Variants in MAN2B1 observed in about 807,000 individuals in gnomAD.
MAN2B1 encodes the protein lysosomal alpha-mannosidase.
In MAN2B1, 99 loss-of-function variants were observed where a neutral mutation model predicts 127.5. The observed-to-expected ratio is 0.78, with a 90% CI of 0.66 to 0.92. The LOEUF (loss-of-function observed/expected upper bound fraction) is 0.92, where lower values mean the gene tolerates loss of function less well. MAN2B1 is among the 40% of genes least tolerant of loss of function. The pLI, the probability that MAN2B1 is intolerant of heterozygous loss-of-function variation, is 0.00. For synonymous variants in MAN2B1, 573 were observed against 568.8 expected (o/e 1.01, Z -0.11); for missense variants, 1,304 against 1,384.8 (o/e 0.94, Z 0.93).
chr19:12,652,842 T>A (rs2023872876), intron 14 of MAN2B1, among the ~76,000 whole-genome samples: 2 of 22,004 alleles, frequency 9.1e-5, no homozygotes. Flanking sequence ...GGATTTTTAT[T>A]TTTTTTTTTT....
rs753424578 is a variant in MAN2B1 at position 12,657,416 on chromosome 19, C to A, written c.1419+30G>T. The stretch of plus-strand genomic sequence containing the variant: ...GGCCCCGCCCCTTCCTGTCTCCACC[C>A]CCGTGTCTCCCAAGTCTCGCCCCGC... On this transcript the variant is annotated intron_variant, in intron 11 of 23. Coordinates refer to ENST00000456935, the MANE Select transcript of MAN2B1 (RefSeq NM_000528.4). 75 of 1,533,584 alleles carry A rather than the reference C, an allele frequency of 4.9e-5. 1 individual carries two copies. In the South Asian group the frequency reaches 8.7e-4, roughly 18 times the overall value. The allele number at this position is 1,533,584 out of a possible 1,614,324, so 95.0% of individuals were successfully genotyped here. A position where few individuals can be genotyped will look rare whatever the true frequency, so the allele number is the denominator to read the frequency against.
chr19:12,653,196 G>A (rs971894946), intron 14 of MAN2B1, among the ~76,000 whole-genome samples: 13 of 146,570 alleles, frequency 8.9e-5, no homozygotes, highest in Admixed American at 3.5e-4. Flanking sequence ...AGGCTGGAGT[G>A]CAGAAAGTGG....
intron 18 of MAN2B1, 107 bp from the exon 19 acceptor site, chr19:12,649,535 G>T (rs1173778419): frequency 8.8e-6 from 6 of 685,042 alleles, no homozygotes; most frequent in African/African-American, 4.2e-5. Flanking sequence ...AGGCTGGAGT[G>T]CAGTGGCGCG....
chr19:12,656,627 C>A lies in MAN2B1; in HGVS notation c.1588G>T (p.Val530Phe). 2 of 1,614,024 alleles carry A rather than the reference C, an allele frequency of 1.2e-6. No individual in the cohort carries two copies. Among genetic ancestry groups the A allele is most frequent in the Non-Finnish European group, 1.7e-6 (2 of 1,179,968 alleles). The change falls in exon 13 of 24, where the codon GTC (valine) becomes TTC (phenylalanine). Residue 530 changes from valine to phenylalanine, a missense_variant. Physicochemically the swap from Val to Phe is conservative, Grantham distance 50 (BLOSUM62 -1). Coordinates refer to ENST00000456935, the MANE Select transcript of MAN2B1 (RefSeq NM_000528.4). ...TTCACAACGAAAACGCCTTCGCTGA[C>A]CGGCAGCCGTACCATCCAATTCACC... ...RKVNWMVRLP[V>F]SEGVFVVKDP... is the part of the protein sequence containing the mutation.
At chr19:12,659,297 C>CATTT in intron 7 of MAN2B1, among the ~76,000 whole-genome samples, 1 of 113,946 alleles carries the variant, frequency 8.8e-6, no homozygotes, top group African/African-American at 3.4e-5. Context: ...GCTCAATAAA[C>CATTT]TTTTTTTTTT....
At position 12,665,785 on chromosome 19, in the gene MAN2B1, C is replaced by T. The variant is rs1043541354; in HGVS notation, c.180G>A (p.Pro60=). 67 of 1,613,864 alleles carry T rather than the reference C, an allele frequency of 4.2e-5. No individual in the cohort carries two copies. Among genetic ancestry groups the T allele is most frequent in the Non-Finnish European group, 4.4e-5 (52 of 1,180,016 alleles). ...GGYETCPTVQ[P]NMLNVHLLPH... ...GCAGCAGGTGCACGTTCAGCATGTTCGGCTGCACTGTGGGGCATGTCTGCA... is the reference window on the plus strand; with the variant it reads ...GCAGCAGGTGCACGTTCAGCATGTTTGGCTGCACTGTGGGGCATGTCTGCA... The change falls in exon 2 of 24, where the codon CCG becomes CCA. Residue 60 remains proline, a synonymous_variant. Coordinates refer to ENST00000456935, the MANE Select transcript of MAN2B1 (RefSeq NM_000528.4).
chr19:12,658,945 C>T, intron 7 of MAN2B1: 1 of 288,564 alleles, frequency 3.5e-6, no homozygotes, highest in African/African-American at 2.2e-5. Flanking sequence ...CAAGCTCCAC[C>T]TCTTGGGTTC....
At chr19:12,665,286 A>C in intron 3 of MAN2B1, 66 bp downstream of exon 3, 3 of 1,574,104 alleles carry the variant, frequency 1.9e-6, no homozygotes, top group Non-Finnish European at 2.6e-6. Flanking sequence ...AAATCTCAGA[A>C]ACCAGAGATG....
At chr19:12,649,609 G>C (rs1177273191) in intron 18 of MAN2B1, among the ~76,000 whole-genome samples, 181 bp from the exon 19 acceptor site, 1 of 151,204 alleles carries the variant, frequency 6.6e-6, no homozygotes, top group African/African-American at 2.4e-5. Flanking sequence ...AGCCTCCCGA[G>C]TAGCTGGGAC....
At position 12,646,529 on chromosome 19, in the gene MAN2B1, G is replaced by T; in HGVS notation, c.*91C>A. 3.0e-6 allele frequency: 3 copies of T among 1,007,480 alleles called. No individual in the cohort carries two copies. The highest frequency in any genetic ancestry group is 4.7e-6 in the Non-Finnish European group (3 of 635,420). The allele number at this position is 1,007,480 out of a possible 1,614,324, so 62.4% of individuals were successfully genotyped here. On this transcript the variant is annotated 3_prime_UTR_variant, in exon 24 of 24. Transcript: ENST00000456935. ...GAGCGACCTGAGTCTTAGTAGTAGCGTTTTAATGGCAGCAGCCCCAAGAGG... is the reference window on the plus strand; with the variant it reads ...GAGCGACCTGAGTCTTAGTAGTAGCTTTTTAATGGCAGCAGCCCCAAGAGG...
chr19:12,656,794 T>A, intron 12 of MAN2B1, 107 bp from the exon 13 acceptor site: 1 of 1,091,808 alleles, frequency 9.2e-7, no homozygotes, highest in Non-Finnish European at 1.4e-6. Context: ...GTCACGGCAC[T>A]TAAGGCCAAG....
chr19:12,663,662 T>G, intron 5 of MAN2B1, 41 bp downstream of exon 5: 1 of 1,582,978 alleles, frequency 6.3e-7, no homozygotes, highest in Admixed American at 1.8e-5. Context: ...CTTCTGAGTG[T>G]GTGGCACCAT....
Position 12,647,267 on chromosome 19 carries a change from C to T in MAN2B1, c.2889G>A (p.Glu963=). The T allele has an allele frequency of 6.2e-7, 1 of 1,614,160 alleles. No homozygotes were observed. The highest frequency in any genetic ancestry group is 1.1e-5 in the South Asian group (1 of 91,084). ...ETTLVANQLR[E]AASRLKWTTN... ...TTGTCCACTTGAGCCTGGAGGCTGCCTCGCGGAGCTGGTTGGCCACCAGCG... is the reference window on the plus strand; with the variant it reads ...TTGTCCACTTGAGCCTGGAGGCTGCTTCGCGGAGCTGGTTGGCCACCAGCG... The change falls in exon 23 of 24, where the codon GAG becomes GAA. Residue 963 remains glutamate, a synonymous_variant. Transcript: ENST00000456935. The surrounding 1 kb of genome is among the most constrained non-coding windows in gnomAD (Gnocchi z 4.9).
At chr19:12,665,663 C>T in intron 2 of MAN2B1, 40 bp downstream of exon 2, 1 of 1,594,838 alleles carries the variant, frequency 6.3e-7, no homozygotes, top group South Asian at 1.1e-5. Context: ...ATTACAGGGA[C>T]CATGGGGATC....
intron 16 of MAN2B1, among the ~76,000 whole-genome samples, chr19:12,650,624 C>T (rs979876256): frequency 6.6e-6 from 1 of 151,586 alleles, no homozygotes; most frequent in Non-Finnish European, 1.5e-5. Flanking sequence ...TCCCAAAGTG[C>T]TGGGATTACA....
At chr19:12,650,674 CTTT>C (rs1343533028) in intron 16 of MAN2B1, among the ~76,000 whole-genome samples, 1 of 124,416 alleles carries the variant, frequency 8.0e-6, no homozygotes, top group Admixed American at 8.2e-5. Context: ...ATTCTTTTTT[CTTT>C]TTTTTTTTTT....
chr19:12,657,880 G>C, intron 10 of MAN2B1, 183 bp downstream of exon 10: 1 of 653,410 alleles, frequency 1.5e-6, no homozygotes, highest in Non-Finnish European at 2.6e-6. Flanking sequence ...GCGTGAACAC[G>C]GGAGGTGGAG....
rs1021381108 is a variant in MAN2B1 at position 12,648,408 on chromosome 19, G to A, written c.2437-6C>T. Reference sequence around the variant, plus strand: ...TTCAGCAGCCTTCGGTGCACCTGGGGGGAGAGTGGCCAGGAGGGGGTGAGA... The same window carrying A: ...TTCAGCAGCCTTCGGTGCACCTGGGAGGAGAGTGGCCAGGAGGGGGTGAGA... On this transcript the variant is annotated splice_polypyrimidine_tract_variant and splice_region_variant and intron_variant, in intron 20 of 23. Coordinates refer to ENST00000456935, the MANE Select transcript of MAN2B1 (RefSeq NM_000528.4). 4 of 1,607,756 alleles carry A rather than the reference G, an allele frequency of 2.5e-6. No individual in the cohort carries two copies. Among genetic ancestry groups the A allele is most frequent in the Non-Finnish European group, 3.4e-6 (4 of 1,175,630 alleles).
chr19:12,652,009 C>T (rs932154279), intron 16 of MAN2B1, 144 bp downstream of exon 16: 8 of 734,346 alleles, frequency 1.1e-5, no homozygotes, highest in Admixed American at 1.9e-5. Flanking sequence ...AAATATTTCC[C>T]CCGCTGATCT....
Sources: gnomAD v4.1 joint callset for allele counts (sites outside exome capture counted in the v4.1 genomes callset) on GRCh38, gnomAD v4.1.1 for gene constraint, Gnocchi (gnomAD v3.1) non-coding constraint, MANE v1.5 for transcripts, NCBI Gene and HGNC (gene_info 2026-07-23, HGNC 2026-07-21) for gene names.